IGSF11: variants seen among roughly 807,000 people sequenced by gnomAD.
IGSF11 encodes the protein immunoglobulin superfamily member 11.
A neutral mutation model predicts 41.0 loss-of-function variants in IGSF11; 22 were observed. The observed-to-expected ratio is 0.54, with a 90% CI of 0.38 to 0.77. IGSF11 has a LOEUF of 0.77. Among genes scored for constraint, IGSF11 ranks in the 30% least tolerant of loss-of-function variants. The pLI is 0.00. For synonymous variants in IGSF11, 219 were observed against 201.3 expected (o/e 1.09, Z -0.74); for missense variants, 444 against 530.8 (o/e 0.84, Z 1.61).
At chr3:119,026,628 TAAAG>T (rs1939857431) in intron 1 of IGSF11, among the ~76,000 whole-genome samples, 1 of 152,166 alleles carries the variant, frequency 6.6e-6, no homozygotes, top group Non-Finnish European at 1.5e-5. Context: ...CCAGTTTCAT[TAAAG>T]AATGTCTTTG....
intron 4 of IGSF11, among the ~76,000 whole-genome samples, chr3:118,922,766 C>G (rs79583417): frequency 0.011 from 1,639 of 152,190 alleles, 32 homozygotes; most frequent in East Asian, 0.065. Context: ...AAGATTAAGA[C>G]CCCAGCAGAT....
intron 1 of IGSF11, 72 bp downstream of exon 1, chr3:119,034,459 C>A (rs1940734459): frequency 4.4e-6 from 6 of 1,373,876 alleles, no homozygotes; most frequent in South Asian, 1.5e-5. Context: ...CTTTGCCGTC[C>A]CCAAACAGCT....
chr3:119,063,588 T>C (rs1459066151), intron 1 of IGSF11, among the ~76,000 whole-genome samples: 1 of 152,226 alleles, frequency 6.6e-6, no homozygotes, highest in Non-Finnish European at 1.5e-5. Flanking sequence ...CAAAAATACT[T>C]TCTCTTAGCC....
chr3:119,076,507 A>G (rs976633449), intron 1 of IGSF11, among the ~76,000 whole-genome samples: 2 of 152,166 alleles, frequency 1.3e-5, no homozygotes, highest in African/African-American at 2.4e-5. Context: ...TTTGCAATCT[A>G]CTCATCTGAC....
chr3:119,068,916 C>CTTTTTTTTTTTTTTTTTTT (rs66923529), intron 1 of IGSF11, among the ~76,000 whole-genome samples: 1 of 114,140 alleles, frequency 8.8e-6, no homozygotes, highest in African/African-American at 3.7e-5. Flanking sequence ...TGGTTATTTT[C>CTTTTTTTTTTTTTTTTTTT]TTTTTTTTTT....
intron 1 of IGSF11, among the ~76,000 whole-genome samples, chr3:118,985,983 T>C (rs1004935639): frequency 2.0e-5 from 3 of 152,186 alleles, no homozygotes; most frequent in Non-Finnish European, 4.4e-5. Context: ...CAAAAAGGAC[T>C]TCCATGGGCT....
chr3:119,141,042 T>TAA (rs35323898), intron 1 of IGSF11, among the ~76,000 whole-genome samples: 28,932 of 99,512 alleles, frequency 0.29, 4,688 homozygotes, highest in East Asian at 0.36. Flanking sequence ...TCTGTCTCAT[T>TAA]AAAAAAAAAA....
chr3:118,918,737 T>G (rs1460719999), intron 4 of IGSF11, among the ~76,000 whole-genome samples: 11 of 129,754 alleles, frequency 8.5e-5, no homozygotes, highest in Admixed American at 5.5e-4. Context: ...ATGACTTTCT[T>G]CACAGAATTG....
At chr3:119,031,068 C>T (rs1009481952) in intron 1 of IGSF11, among the ~76,000 whole-genome samples, 6 of 152,018 alleles carry the variant, frequency 3.9e-5, no homozygotes, top group African/African-American at 1.4e-4. Flanking sequence ...ACCAGCCTGG[C>T]CAACGTGGTG....
intron 1 of IGSF11, among the ~76,000 whole-genome samples, chr3:119,029,320 G>C (rs1324665590): frequency 6.6e-6 from 1 of 151,564 alleles, no homozygotes; most frequent in Non-Finnish European, 1.5e-5. Flanking sequence ...GCAAGCACAG[G>C]AGGAGAAAGG....
intron 1 of IGSF11, among the ~76,000 whole-genome samples, chr3:118,951,997 A>G (rs1944606162): frequency 6.6e-6 from 1 of 152,126 alleles, no homozygotes; most frequent in Non-Finnish European, 1.5e-5. Flanking sequence ...ATTTGCTTCC[A>G]GACCACCAAA....
intron 1 of IGSF11, among the ~76,000 whole-genome samples, chr3:119,063,890 G>A (rs1265875696): frequency 6.6e-6 from 1 of 152,234 alleles, no homozygotes; most frequent in Non-Finnish European, 1.5e-5. Context: ...GTAATATGTA[G>A]TAGTGCAAGG....
At chr3:119,073,087 C>A (rs149181160) in intron 1 of IGSF11, among the ~76,000 whole-genome samples, 161 of 152,250 alleles carry the variant, frequency 1.1e-3, no homozygotes, top group African/African-American at 3.8e-3. Flanking sequence ...TTGAGCTAGA[C>A]AGAGTGGTGA....
intron 1 of IGSF11, among the ~76,000 whole-genome samples, chr3:119,057,231 C>G (rs1301208607): frequency 6.6e-6 from 1 of 152,206 alleles, no homozygotes. Context: ...ACCCCATCGT[C>G]TCAGCCCAAA....
upstream of IGSF11, among the ~76,000 whole-genome samples, chr3:119,107,202 C>T (rs1219331469): frequency 6.6e-6 from 1 of 152,202 alleles, no homozygotes; most frequent in African/African-American, 2.4e-5. Context: ...ACAGTCCCAC[C>T]AACAGTGTAA....
In IGSF11 at chr3:118,926,207, G is replaced by A; in HGVS notation, c.474C>T (p.Gly158=). Residue 158 remains glycine (G), a synonymous_variant, in exon 4 of 7, where the codon GGC becomes GGT. Coordinates refer to ENST00000393775, the MANE Select transcript of IGSF11 (RefSeq NM_001015887.3). ...AGCTACAGAGCAGGATGACATCGCT[G>A]CCAATATCCTGGGATCCTTGGATTT... ...HCQIQGSQDI[G]SDVILLCSSE... The A allele has an allele frequency of 6.2e-7, 1 of 1,611,286 alleles. No individual in the cohort carries two copies. Among genetic ancestry groups the A allele is most frequent in the Non-Finnish European group, 8.5e-7 (1 of 1,178,102 alleles).
At chr3:118,906,974 T>C (rs1053768720) in intron 4 of IGSF11, among the ~76,000 whole-genome samples, 1 of 152,206 alleles carries the variant, frequency 6.6e-6, no homozygotes, top group African/African-American at 2.4e-5. Context: ...AGCTCTAGGC[T>C]TCACTGCCCT....
At chr3:118,945,166 G>A (rs1267766790) in intron 1 of IGSF11, among the ~76,000 whole-genome samples, 1 of 151,948 alleles carries the variant, frequency 6.6e-6, no homozygotes. Context: ...AATTGAATTT[G>A]ATCTCAAAAA....
At chr3:118,951,298 C>A (rs1224170152) in intron 1 of IGSF11, among the ~76,000 whole-genome samples, 1 of 152,098 alleles carries the variant, frequency 6.6e-6, no homozygotes, top group African/African-American at 2.4e-5. Flanking sequence ...ATTCATAGAC[C>A]AAAGCTGGCT....
Sources: allele counts gnomAD v4.1 joint callset (sites outside exome capture counted in the v4.1 genomes callset), GRCh38; gene constraint gnomAD v4.1.1; transcripts MANE v1.5; gene names NCBI Gene and HGNC (gene_info 2026-07-23, HGNC 2026-07-21).